SPO11: variants seen among roughly 807,000 people sequenced by gnomAD.
SPO11 encodes SPO11 initiator of meiotic double strand breaks, also known as meiotic recombination protein SPO11.
A neutral mutation model predicts 51.6 loss-of-function variants in SPO11; 49 were observed. The observed-to-expected ratio is 0.95, with a 90% CI of 0.75 to 1.20. The LOEUF is 1.20. SPO11 is among the 50% of genes most tolerant of loss of function. The probability of loss-of-function intolerance (pLI) is 0.00; values close to 1 mark genes in which losing one functional copy is unlikely to be tolerated. For missense variants in SPO11, 431 were observed against 473.4 expected (o/e 0.91, Z 0.83); for synonymous variants, 176 against 158.2 (o/e 1.11, Z -0.84).
At chr20:57,337,474 A>C (rs1013417717) in intron 8 of SPO11, among the ~76,000 whole-genome samples, 1 of 152,224 alleles carries the variant, frequency 6.6e-6, no homozygotes, top group Non-Finnish European at 1.5e-5. Flanking sequence ...CAGAGCTGAG[A>C]TGCGAGCTCA....
chr20:57,333,540 G>C, intron 3 of SPO11, 147 bp from the exon 4 acceptor site: 1 of 637,408 alleles, frequency 1.6e-6, no homozygotes, highest in Non-Finnish European at 2.8e-6. Context: ...TGATTCTGCA[G>C]GTAATTGTTC....
chr20:57,336,384 T>G (rs2066513749), intron 8 of SPO11, among the ~76,000 whole-genome samples: 1 of 152,154 alleles, frequency 6.6e-6, no homozygotes, highest in Admixed American at 6.5e-5. Context: ...TTCTCCTTAA[T>G]CCTTCCCCTT....
At position 57,337,788 on chromosome 20, in the gene SPO11, C is replaced by CT. The variant is rs35722273; in HGVS notation, c.745-480dup. 1,690 of 1,297,896 alleles carry CT rather than the reference C, an allele frequency of 1.3e-3. 1 individual carries two copies. The highest frequency in any genetic ancestry group is 1.6e-3 in the Non-Finnish European group (1,544 of 990,628). 80.4% of individuals were successfully genotyped at this position (1,297,896 alleles called of 1,614,324 possible). On this transcript the variant is annotated intron_variant, in intron 8 of 12. Coordinates refer to ENST00000371263, the MANE Select transcript of SPO11 (RefSeq NM_012444.3). ...AAATCCAAGGTAGGAAGATGTAACCCTTTTTTTTGGTGCTGTGACTCAGAT... is the reference window on the plus strand; with the variant it reads ...AAATCCAAGGTAGGAAGATGTAACCCTTTTTTTTTGGTGCTGTGACTCAGAT...
rs777754739 is a variant in SPO11, at chr20:57,333,188, G to A, written c.246G>A (p.Lys82=). Residue 82 remains lysine (K), a splice_region_variant and synonymous_variant, in exon 3 of 13, where the codon AAG becomes AAA. Coordinates refer to ENST00000371263, the MANE Select transcript of SPO11 (RefSeq NM_012444.3). ...IDNRSSWENI[K]FEDSVGLQMV... is the part of the protein sequence containing the mutation. ...TCCTTTGCTTTAAACAAAATGACAG[G>A]TTTGAAGATTCTGTGGGTCTTCAGA... is the stretch of plus-strand genomic sequence containing the variant. 1 of 1,598,474 alleles carries A rather than the reference G, an allele frequency of 6.3e-7. No homozygotes were observed. Among genetic ancestry groups the A allele is most frequent in the Non-Finnish European group, 8.5e-7 (1 of 1,175,308 alleles).
At position 57,342,745 on chromosome 20, in the gene SPO11, G is replaced by T. The variant is rs141535481; in HGVS notation, c.976G>T (p.Asp326Tyr). Residue 326 changes from aspartate to tyrosine, a missense_variant, in exon 12 of 13, where the codon GAT becomes TAT. By Grantham distance (160) the Asp-to-Tyr change is radical. Around this residue, in one of 3 missense-constraint regions of SPO11, gnomAD observed 405 missense variants for 425.9 expected, o/e 0.95. Coordinates refer to ENST00000371263, the MANE Select transcript of SPO11 (RefSeq NM_012444.3). ...SDLKRLNVPK[D>Y]SLIPLTKRDQ... ...TTTTTCCAGATTAAATGTACCTAAA[G>T]ATAGTTTGATTCCACTGACAAAAAG... 2.7e-4 allele frequency: 437 copies of T among 1,612,104 alleles called. 2 individuals carry two copies. The African/African-American group carries it at 5.4e-3, about 20-fold the overall frequency.
intron 9 of SPO11, 135 bp downstream of exon 9, chr20:57,338,510 C>G (rs2066541745): frequency 4.8e-6 from 3 of 619,206 alleles, no homozygotes; most frequent in Non-Finnish European, 8.2e-6. Context: ...ATGGCGCGAT[C>G]TTGGCTCACT....
intron 2 of SPO11, among the ~76,000 whole-genome samples, chr20:57,332,850 T>C (rs2066465496): frequency 6.6e-6 from 1 of 152,220 alleles, no homozygotes; most frequent in African/African-American, 2.4e-5. Context: ...AAAGTACTAA[T>C]TGTGAAATAT....
At chr20:57,339,258 C>T (rs1568762882) in intron 10 of SPO11, among the ~76,000 whole-genome samples, 1 of 152,016 alleles carries the variant, frequency 6.6e-6, no homozygotes, top group Admixed American at 6.6e-5. Flanking sequence ...GGGCAAGCAG[C>T]ATTATTATCC....
rs559220304 is a variant in SPO11 at position 57,337,388 on chromosome 20, T to G, written c.745-888T>G. ...TTAAATAATTTAATTCCTATAATAA[T>G]CTCATATGTTGTTACAGAGCATCAA... On this transcript the variant is annotated intron_variant, in intron 8 of 12. Coordinates refer to ENST00000371263, the MANE Select transcript of SPO11 (RefSeq NM_012444.3). 2.2e-4 allele frequency among the ~76,000 whole-genome samples: 33 copies of G among 152,300 alleles called. No individual in the cohort carries two copies. In the South Asian group the frequency reaches 6.2e-3, roughly 29 times the overall value.
intron 12 of SPO11, among the ~76,000 whole-genome samples, 172 bp downstream of exon 12, chr20:57,343,012 T>C (rs2066602068): frequency 6.6e-6 from 1 of 152,232 alleles, no homozygotes; most frequent in Non-Finnish European, 1.5e-5. Flanking sequence ...TGAATGCTAA[T>C]AGATGAGATC....
At chr20:57,340,030 T>G in intron 10 of SPO11, 72 bp from the exon 11 acceptor site, 6 of 1,041,986 alleles carry the variant, frequency 5.8e-6, no homozygotes, top group Non-Finnish European at 8.9e-6. Flanking sequence ...AGTGAAAAAT[T>G]TGACTGAAAA....
chr20:57,334,046 T>C lies in SPO11; in HGVS notation c.461T>C (p.Ile154Thr), dbSNP rs1330408984. 2 of 1,592,026 alleles carry C rather than the reference T, an allele frequency of 1.3e-6. No individual in the cohort carries two copies. The highest frequency in any genetic ancestry group is 2.2e-5 in the East Asian group (1 of 44,506). ...FGNQTVVDNI[I>T]NDISCMLKVS... is the part of the protein sequence containing the mutation. ...AACCAGACTGTCGTCGACAATATTA[T>C]CAATGACATTTCTTGCATGTTAAAA... is the stretch of plus-strand genomic sequence containing the variant. The change falls in exon 5 of 13, where the codon ATC (isoleucine) becomes ACC (threonine). Residue 154 changes from isoleucine to threonine, a missense_variant. This residue lies in a region of SPO11 where 405 missense variants were observed against 425.9 expected (regional missense o/e 0.95). Transcript: ENST00000371263.
At chr20:57,340,034 C>A in intron 10 of SPO11, 68 bp from the exon 11 acceptor site, 1 of 1,092,548 alleles carries the variant, frequency 9.2e-7, no homozygotes, top group Non-Finnish European at 1.4e-6. Flanking sequence ...AAAAATTTGA[C>A]TGAAAAACAA....
Position 57,329,823 on chromosome 20 carries a change from G to T in SPO11, c.-45G>T, listed in dbSNP as rs1179339872. On this transcript the variant is annotated 5_prime_UTR_variant, in exon 1 of 13. Transcript: ENST00000371263. ...CACGCAGCCACGCCCCAAGGGCGCA[G>T]CCTAGGACAGGGGCTTCTGGAGCTT... is the stretch of plus-strand genomic sequence containing the variant. 1 of 1,589,776 alleles carries T rather than the reference G, an allele frequency of 6.3e-7. No individual in the cohort carries two copies. Among genetic ancestry groups the T allele is most frequent in the Admixed American group, 1.7e-5 (1 of 57,342 alleles).
intron 11 of SPO11, among the ~76,000 whole-genome samples, chr20:57,341,298 G>A (rs1467581): frequency 0.04 from 6,081 of 152,204 alleles, 181 homozygotes; most frequent in African/African-American, 0.09. Context: ...CACATCCTTA[G>A]TTAGTCCCTT....
chr20:57,338,153 C>T (rs1045471971), intron 8 of SPO11, 123 bp from the exon 9 acceptor site: 5 of 741,156 alleles, frequency 6.7e-6, no homozygotes, highest in African/African-American at 1.8e-5. Context: ...GGCCTCCCAA[C>T]GTGCTGGGAT....
chr20:57,336,474 G>T (rs563718480), intron 8 of SPO11, among the ~76,000 whole-genome samples: 1 of 152,120 alleles, frequency 6.6e-6, no homozygotes. Flanking sequence ...TGCCACACCA[G>T]ACTTGTCATT....
At chr20:57,336,093 C>CT (rs942817498) in intron 8 of SPO11, among the ~76,000 whole-genome samples, 186 bp downstream of exon 8, 127 of 149,380 alleles carry the variant, frequency 8.5e-4, no homozygotes, top group African/African-American at 2.7e-3. Flanking sequence ...ACCTCAAGTT[C>CT]TTTTTTTTTT....
chr20:57,336,921 G>A lies in SPO11; in HGVS notation c.744+1014G>A, dbSNP rs138697435. Among the ~76,000 whole-genome samples, 60 of 152,192 alleles carry A rather than the reference G, an allele frequency of 3.9e-4. No homozygotes were observed. The East Asian group carries it at 0.011, about 27-fold the overall frequency. On this transcript the variant is annotated intron_variant, in intron 8 of 12. Coordinates refer to ENST00000371263, the MANE Select transcript of SPO11 (RefSeq NM_012444.3). Reference sequence around the variant, plus strand: ...AACATCATCGTCACTTTAATAATGGGGTACTGGAATGCAGGAAGGTATTTT... The same window carrying A: ...AACATCATCGTCACTTTAATAATGGAGTACTGGAATGCAGGAAGGTATTTT...
Sources: gnomAD v4.1 joint callset for allele counts (sites outside exome capture counted in the v4.1 genomes callset) on GRCh38, gnomAD v4.1.1 for gene constraint, gnomAD v4.1.1 regional missense constraint, MANE v1.5 for transcripts, NCBI Gene and HGNC (gene_info 2026-07-23, HGNC 2026-07-21) for gene names.